The following PLCL1 variants were observed in gnomAD, a reference collection of about 807,000 sequenced individuals.
PLCL1 encodes inactive phospholipase C-like protein 1.
Under a neutral mutation model 84.4 loss-of-function variants are expected in PLCL1, and 41 were observed. That is an observed-to-expected ratio of 0.49 (90% CI 0.38 to 0.63). PLCL1 has a LOEUF of 0.63. PLCL1 is among the 30% of genes least tolerant of loss of function. The pLI is 0.00. For synonymous variants in PLCL1, 490 were observed against 488.3 expected (o/e 1.00, Z -0.05); for missense variants, 1,206 against 1,367.8 (o/e 0.88, Z 1.87).
chr2:197,841,134 T>G (rs1212779663), intron 1 of PLCL1, among the ~76,000 whole-genome samples: 1 of 152,092 alleles, frequency 6.6e-6, no homozygotes, highest in Non-Finnish European at 1.5e-5. Context: ...ATTAATGTCT[T>G]GCATTAGTGT....
At chr2:198,143,173 G>T (rs1694429001) in intron 5 of PLCL1, among the ~76,000 whole-genome samples, 1 of 152,120 alleles carries the variant, frequency 6.6e-6, no homozygotes, top group Non-Finnish European at 1.5e-5. Context: ...CATGGTGGGT[G>T]TCGGGGGGTG....
intron 1 of PLCL1, among the ~76,000 whole-genome samples, chr2:198,068,285 G>A (rs980706986): frequency 5.3e-5 from 8 of 152,004 alleles, no homozygotes; most frequent in Admixed American, 6.6e-5. Context: ...TGACTTTAAC[G>A]TTCTTTTTGC....
intron 1 of PLCL1, among the ~76,000 whole-genome samples, chr2:198,015,659 G>C (rs1690978798): frequency 6.6e-6 from 1 of 152,148 alleles, no homozygotes; most frequent in African/African-American, 2.4e-5. Flanking sequence ...ACTCTAATGA[G>C]AGAGACAGAC....
At chr2:198,097,202 G>C (rs569649284) in intron 3 of PLCL1, among the ~76,000 whole-genome samples, 2 of 152,268 alleles carry the variant, frequency 1.3e-5, no homozygotes, top group East Asian at 3.9e-4. Flanking sequence ...CTGTATTCTT[G>C]GGGTATGGAA....
chr2:197,815,685 A>G (rs746376609), intron 1 of PLCL1, among the ~76,000 whole-genome samples: 1 of 152,154 alleles, frequency 6.6e-6, no homozygotes, highest in Non-Finnish European at 1.5e-5. Context: ...GGAAGGAGGT[A>G]AAAATATCAA....
At chr2:198,050,543 C>T (rs58114410) in intron 1 of PLCL1, among the ~76,000 whole-genome samples, 5,873 of 152,028 alleles carry the variant, frequency 0.039, 365 homozygotes, top group African/African-American at 0.14. Flanking sequence ...AAAAAAAATA[C>T]ACAACTTACT....
At chr2:197,884,183 C>T (rs187978291) in intron 1 of PLCL1, among the ~76,000 whole-genome samples, 4 of 152,176 alleles carry the variant, frequency 2.6e-5, no homozygotes, top group South Asian at 2.1e-4. Flanking sequence ...GGTCTAGCAC[C>T]GGTACATCTG....
intron 1 of PLCL1, among the ~76,000 whole-genome samples, chr2:197,934,536 T>C (rs557470634): frequency 9.8e-5 from 15 of 152,344 alleles, no homozygotes; most frequent in African/African-American, 3.1e-4. Flanking sequence ...ATTAAGATGA[T>C]AGATTTTATT....
chr2:197,968,820 C>T (rs752944604), intron 1 of PLCL1, among the ~76,000 whole-genome samples: 1 of 152,178 alleles, frequency 6.6e-6, no homozygotes, highest in African/African-American at 2.4e-5. Context: ...AGATTACTCC[C>T]CTTACCCCTC....
intron 1 of PLCL1, among the ~76,000 whole-genome samples, chr2:197,990,902 A>G (rs1282667762): frequency 1.3e-5 from 2 of 152,218 alleles, no homozygotes; most frequent in East Asian, 3.8e-4. Flanking sequence ...ATATAATTTT[A>G]TAGGATGTGT....
At chr2:198,080,916 T>C (rs1692696178) in intron 1 of PLCL1, among the ~76,000 whole-genome samples, 1 of 152,192 alleles carries the variant, frequency 6.6e-6, no homozygotes, top group African/African-American at 2.4e-5. Context: ...GTGGATTCTT[T>C]TGCAGGCTAG....
intron 1 of PLCL1, among the ~76,000 whole-genome samples, chr2:197,831,523 G>T (rs1004627303): frequency 9.9e-5 from 15 of 151,548 alleles, no homozygotes; most frequent in African/African-American, 3.2e-4. Flanking sequence ...CATAAAGCAG[G>T]TTCTTAGAGA....
chr2:197,832,140 A>G (rs1159519477), intron 1 of PLCL1, among the ~76,000 whole-genome samples: 1 of 152,190 alleles, frequency 6.6e-6, no homozygotes, highest in East Asian at 1.9e-4. Context: ...GCAGAAGACA[A>G]GAAAAACTAA....
intron 1 of PLCL1, among the ~76,000 whole-genome samples, chr2:197,970,548 A>C (rs1314655120): frequency 6.6e-6 from 1 of 152,248 alleles, no homozygotes; most frequent in African/African-American, 2.4e-5. Context: ...AACTATCTCA[A>C]TAATTTTTGA....
chr2:198,070,798 C>T (rs1174007589), intron 1 of PLCL1, among the ~76,000 whole-genome samples: 3 of 151,914 alleles, frequency 2.0e-5, no homozygotes, highest in East Asian at 1.9e-4. Flanking sequence ...TTAATCTCTA[C>T]AAAGTGTATC....
intron 1 of PLCL1, among the ~76,000 whole-genome samples, chr2:197,847,759 C>T (rs776954993): frequency 9.9e-5 from 15 of 152,086 alleles, no homozygotes; most frequent in Non-Finnish European, 1.6e-4. Flanking sequence ...CATTTTAGGC[C>T]GTCAGAACAC....
intron 1 of PLCL1, among the ~76,000 whole-genome samples, chr2:197,815,520 A>G (rs1395326091): frequency 1.3e-5 from 2 of 152,086 alleles, no homozygotes; most frequent in African/African-American, 2.4e-5. Context: ...GATCAAGGAG[A>G]AATTTTGACT....
At chr2:197,850,184 A>G (rs565816754) in intron 1 of PLCL1, among the ~76,000 whole-genome samples, 4 of 152,300 alleles carry the variant, frequency 2.6e-5, no homozygotes, top group African/African-American at 7.2e-5. Context: ...GTACTGCGAC[A>G]GGATTGAATC....
At chr2:198,035,247 A>G (rs768644061) in intron 1 of PLCL1, among the ~76,000 whole-genome samples, 77 of 152,254 alleles carry the variant, frequency 5.1e-4, no homozygotes, top group Non-Finnish European at 7.8e-4. Flanking sequence ...GATTAAGATT[A>G]GCAATAACTG....
Sources: gnomAD v4.1 joint callset for allele counts (sites outside exome capture counted in the v4.1 genomes callset) on GRCh38, gnomAD v4.1.1 for gene constraint, MANE v1.5 for transcripts, NCBI Gene and HGNC (gene_info 2026-07-23, HGNC 2026-07-21) for gene names.